The following XKR9 variants were observed in gnomAD, a reference collection of about 807,000 sequenced individuals.
The protein encoded by XKR9 is XK-related protein 9.
XKR9 carries 32 observed loss-of-function variants against 32.0 expected under a neutral mutation model. The observed-to-expected ratio is 1.00, with a 90% CI of 0.76 to 1.34. The LOEUF (loss-of-function observed/expected upper bound fraction) is 1.34, where lower values mean the gene tolerates loss of function less well. XKR9 is among the 40% of genes most tolerant of loss of function. The probability of loss-of-function intolerance (pLI) is 0.00; values close to 1 mark genes in which losing one functional copy is unlikely to be tolerated. For synonymous variants in XKR9, 168 were observed against 143.4 expected (o/e 1.17, Z -1.22); for missense variants, 546 against 429.7 (o/e 1.27, Z -2.39).
the XKR9 span, among the ~76,000 whole-genome samples, chr8:70,904,775 T>C: frequency 6.6e-6 from 1 of 152,240 alleles, no homozygotes; most frequent in Non-Finnish European, 1.5e-5. Flanking sequence ...TTCCTTTCCA[T>C]GTTTAGTGCT....
the XKR9 span, among the ~76,000 whole-genome samples, chr8:71,038,051 A>C: frequency 2.0e-5 from 3 of 152,148 alleles, no homozygotes; most frequent in African/African-American, 7.2e-5. Flanking sequence ...TTTAGTACAG[A>C]GTTTATACTT....
the XKR9 span, among the ~76,000 whole-genome samples, chr8:70,819,572 A>G: frequency 6.6e-6 from 1 of 152,222 alleles, no homozygotes; most frequent in South Asian, 2.1e-4. Context: ...ACTTCAGACA[A>G]GTCACTTAAT....
At chr8:70,894,788 C>G in the XKR9 span, among the ~76,000 whole-genome samples, 1 of 152,062 alleles carries the variant, frequency 6.6e-6, no homozygotes, top group Admixed American at 6.5e-5. Flanking sequence ...GTAGGTGAAA[C>G]GACTCCACTT....
chr8:70,908,287 C>A, the XKR9 span, among the ~76,000 whole-genome samples: 2 of 152,144 alleles, frequency 1.3e-5, no homozygotes. Context: ...TTTATAATTA[C>A]AACTATAAGC....
At chr8:70,898,015 T>A in the XKR9 span, among the ~76,000 whole-genome samples, 6 of 152,232 alleles carry the variant, frequency 3.9e-5, no homozygotes, top group Non-Finnish European at 7.4e-5. Context: ...TTTTCCCCAA[T>A]GTTTTCTTTC....
the XKR9 span, among the ~76,000 whole-genome samples, chr8:71,021,667 C>A: frequency 2.0e-5 from 3 of 151,742 alleles, no homozygotes; most frequent in Non-Finnish European, 2.9e-5. Context: ...CATGCCCGGC[C>A]AATTTTTGTA....
the XKR9 span, among the ~76,000 whole-genome samples, chr8:70,960,670 G>T: frequency 6.6e-6 from 1 of 151,882 alleles, no homozygotes; most frequent in Non-Finnish European, 1.5e-5. Context: ...TTGAACCCAG[G>T]AGTTTGAGAC....
At chr8:70,817,410 A>C in the XKR9 span, among the ~76,000 whole-genome samples, 1 of 152,190 alleles carries the variant, frequency 6.6e-6, no homozygotes. Flanking sequence ...CTAGGAATAC[A>C]TCTAACCAGG....
At chr8:70,774,052 C>T (rs1478326496) in intron 2 of XKR9, among the ~76,000 whole-genome samples, 1 of 152,110 alleles carries the variant, frequency 6.6e-6, no homozygotes, top group East Asian at 1.9e-4. Context: ...TGAGGTCATA[C>T]TTCAGAACAA....
At chr8:70,755,437 C>T (rs1328491102) in intron 2 of XKR9, among the ~76,000 whole-genome samples, 1 of 152,128 alleles carries the variant, frequency 6.6e-6, no homozygotes, top group Non-Finnish European at 1.5e-5. Context: ...ATAAATCATG[C>T]TGTTATAAAG....
the XKR9 span, among the ~76,000 whole-genome samples, chr8:70,881,685 A>G: frequency 6.6e-6 from 1 of 152,216 alleles, no homozygotes; most frequent in Non-Finnish European, 1.5e-5. Context: ...AACTAGTTCA[A>G]CCATTGTGGA....
chr8:70,788,544 A>G (rs915281698), intron 2 of XKR9, among the ~76,000 whole-genome samples: 2 of 152,142 alleles, frequency 1.3e-5, no homozygotes, highest in African/African-American at 4.8e-5. Flanking sequence ...CATAAATTAA[A>G]TATCCAAGTC....
At chr8:70,682,950 A>C (rs899231807) in intron 3 of XKR9, among the ~76,000 whole-genome samples, 1 of 152,234 alleles carries the variant, frequency 6.6e-6, no homozygotes, top group African/African-American at 2.4e-5. Context: ...TAAAGGCTGC[A>C]TGGTGTATCC....
the XKR9 span, among the ~76,000 whole-genome samples, chr8:70,874,469 A>G: frequency 6.6e-6 from 1 of 152,234 alleles, no homozygotes; most frequent in Admixed American, 6.5e-5. Context: ...ATATAAAATT[A>G]TGGTGCTTGC....
intron 2 of XKR9, among the ~76,000 whole-genome samples, chr8:70,752,169 C>G (rs968754731): frequency 6.6e-6 from 1 of 152,176 alleles, no homozygotes; most frequent in Non-Finnish European, 1.5e-5. Context: ...TTATAGATTT[C>G]CCTATTCTGG....
At chr8:70,826,997 TAAA>T in the XKR9 span, among the ~76,000 whole-genome samples, 1 of 152,144 alleles carries the variant, frequency 6.6e-6, no homozygotes, top group Admixed American at 6.5e-5. Flanking sequence ...CTTCAACTTT[TAAA>T]ATTTGTTGTA....
At chr8:70,695,860 G>C (rs567274772) in intron 3 of XKR9, among the ~76,000 whole-genome samples, 38 of 149,562 alleles carry the variant, frequency 2.5e-4, no homozygotes, top group African/African-American at 9.3e-4. Context: ...ACCTTTTAAT[G>C]ATTGCCATTC....
At chr8:70,822,316 G>T in the XKR9 span, among the ~76,000 whole-genome samples, 6 of 151,846 alleles carry the variant, frequency 4.0e-5, no homozygotes, top group African/African-American at 1.2e-4. Flanking sequence ...TAGCTTTAGG[G>T]GTTTAATTAG....
At chr8:70,750,863 A>G (rs1227666424) in intron 2 of XKR9, among the ~76,000 whole-genome samples, 2 of 152,232 alleles carry the variant, frequency 1.3e-5, no homozygotes, top group Admixed American at 6.5e-5. Flanking sequence ...TAAGTGGTCA[A>G]AAATGTTGTA....
Sources: allele counts gnomAD v4.1 joint callset (sites outside exome capture counted in the v4.1 genomes callset), GRCh38; gene constraint gnomAD v4.1.1; transcripts MANE v1.5; gene names NCBI Gene and HGNC (gene_info 2026-07-23, HGNC 2026-07-21).